PTPRD: variants seen among roughly 807,000 people sequenced by gnomAD.
The protein encoded by PTPRD is protein tyrosine phosphatase receptor type D.
In PTPRD, 34 loss-of-function variants were observed where a neutral mutation model predicts 214.5. The ratio of observed to expected loss-of-function variants is 0.16; its 90% CI spans 0.12 to 0.21. The LOEUF (loss-of-function observed/expected upper bound fraction) is 0.21. PTPRD is among the 10% of genes least tolerant of loss of function. The pLI, the probability that PTPRD is intolerant of heterozygous loss-of-function variation, is 1.00. For synonymous variants in PTPRD, 1,128 were observed against 845.7 expected, an observed-to-expected ratio of 1.33 and a Z score of -5.79; for missense variants, 2,545 against 2,398.7, an observed-to-expected ratio of 1.06 and a Z score of -1.27.
chr9:10,496,082 T>C (rs919186431), intron 2 of PTPRD, among the ~76,000 whole-genome samples: 1 of 151,806 alleles, frequency 6.6e-6, no homozygotes, highest in African/African-American at 2.4e-5. Flanking sequence ...TATTACTATT[T>C]CAATATGTAG....
intron 2 of PTPRD, among the ~76,000 whole-genome samples, chr9:10,488,728 C>T (rs549795464): frequency 3.1e-4 from 47 of 152,274 alleles, no homozygotes; most frequent in African/African-American, 1.0e-3. Context: ...CTCTCATCAA[C>T]GGCCACCGCC....
At chr9:9,692,930 C>G (rs988145969) in intron 7 of PTPRD, among the ~76,000 whole-genome samples, 1 of 151,834 alleles carries the variant, frequency 6.6e-6, no homozygotes, top group African/African-American at 2.4e-5. Context: ...ATATTGTTCA[C>G]TGTTGGCATA....
chr9:9,867,091 A>G (rs2064160495), intron 5 of PTPRD, among the ~76,000 whole-genome samples: 1 of 152,168 alleles, frequency 6.6e-6, no homozygotes, highest in African/African-American at 2.4e-5. Flanking sequence ...ACAAAATCAT[A>G]GAGGTTCACC....
chr9:8,728,585 T>C (rs1309563966), intron 12 of PTPRD, among the ~76,000 whole-genome samples: 2 of 152,372 alleles, frequency 1.3e-5, no homozygotes, highest in South Asian at 4.1e-4. Context: ...TATAAGAAAG[T>C]TATCCTTTCC....
At chr9:8,981,054 C>T (rs1044528407) in intron 11 of PTPRD, among the ~76,000 whole-genome samples, 4 of 151,958 alleles carry the variant, frequency 2.6e-5, no homozygotes, top group Admixed American at 1.3e-4. Flanking sequence ...TACTTGTCTC[C>T]GGCACCTCGC....
rs536291845 is a variant in PTPRD at position 8,994,904 on chromosome 9, G to A, written c.-104+23793C>T. On this transcript the variant is annotated intron_variant, in intron 11 of 45. Transcript: ENST00000381196. Reference sequence around the variant, plus strand: ...CCTACTGCTCAAAATTAAGCTAAAGGGAACTTTGCAGATATTCTGCAACAT... The same window carrying A: ...CCTACTGCTCAAAATTAAGCTAAAGAGAACTTTGCAGATATTCTGCAACAT... 2.0e-5 allele frequency among the ~76,000 whole-genome samples: 3 copies of A among 152,066 alleles called. No individual in the cohort carries two copies. The South Asian group carries it at 6.2e-4, about 32-fold the overall frequency.
At chr9:10,352,564 T>C (rs988634194) in intron 2 of PTPRD, among the ~76,000 whole-genome samples, 1 of 152,028 alleles carries the variant, frequency 6.6e-6, no homozygotes, top group Admixed American at 6.6e-5. Context: ...TAATGAAATA[T>C]AGATCAGAAG....
intron 5 of PTPRD, among the ~76,000 whole-genome samples, chr9:9,895,161 G>T (rs1386323345): frequency 6.6e-6 from 1 of 151,962 alleles, no homozygotes; most frequent in Non-Finnish European, 1.5e-5. Context: ...TTCCTTACAA[G>T]TACTTGTTCC....
intron 19 of PTPRD, among the ~76,000 whole-genome samples, chr9:8,523,015 G>A (rs2097921203): frequency 6.6e-6 from 1 of 152,082 alleles, no homozygotes; most frequent in Non-Finnish European, 1.5e-5. Flanking sequence ...GAGAAGAAGA[G>A]AAAGCTAAGC....
At chr9:9,361,270 G>C (rs939805087) in intron 9 of PTPRD, among the ~76,000 whole-genome samples, 1 of 150,956 alleles carries the variant, frequency 6.6e-6, no homozygotes, top group African/African-American at 2.4e-5. Flanking sequence ...CAATTCATTT[G>C]AGATCATTAC....
chr9:8,618,182 G>A (rs1315505336), intron 14 of PTPRD, among the ~76,000 whole-genome samples: 1 of 152,088 alleles, frequency 6.6e-6, no homozygotes, highest in Non-Finnish European at 1.5e-5. Context: ...ACCAACTGCT[G>A]TTTAAGACAG....
chr9:9,311,663 A>T (rs1448655843), intron 9 of PTPRD, among the ~76,000 whole-genome samples: 3 of 152,164 alleles, frequency 2.0e-5, no homozygotes, highest in African/African-American at 7.2e-5. Flanking sequence ...TGAGATTAAA[A>T]ACTCCTCTCT....
intron 9 of PTPRD, among the ~76,000 whole-genome samples, chr9:9,243,117 G>C (rs1050735645): frequency 6.6e-6 from 1 of 152,104 alleles, no homozygotes; most frequent in African/African-American, 2.4e-5. Context: ...ACCAGACCCT[G>C]TTTGCCTGGG....
At chr9:9,192,718 A>T (rs1000453070) in intron 9 of PTPRD, among the ~76,000 whole-genome samples, 2 of 152,084 alleles carry the variant, frequency 1.3e-5, no homozygotes, top group African/African-American at 4.8e-5. Flanking sequence ...TCCTTTTTCC[A>T]TGACTGATAA....
intron 5 of PTPRD, among the ~76,000 whole-genome samples, chr9:9,895,378 A>C (rs918409013): frequency 4.6e-5 from 7 of 151,884 alleles, no homozygotes; most frequent in African/African-American, 1.7e-4. Flanking sequence ...CCATGTATAT[A>C]CCAGAGCCTG....
chr9:8,721,573 T>A (rs192085374), intron 12 of PTPRD, among the ~76,000 whole-genome samples: 355 of 152,250 alleles, frequency 2.3e-3, no homozygotes, highest in African/African-American at 8.2e-3. Flanking sequence ...TAATATACCA[T>A]AAAATAGTTT....
chr9:9,390,039 C>A (rs1353686019), intron 9 of PTPRD, among the ~76,000 whole-genome samples: 1 of 152,156 alleles, frequency 6.6e-6, no homozygotes, highest in East Asian at 1.9e-4. Context: ...GGTAGGGTGA[C>A]ATTTCAGCAG....
chr9:8,672,388 CACATATCTACAAA>C (rs1039149991), intron 12 of PTPRD, among the ~76,000 whole-genome samples: 23 of 152,114 alleles, frequency 1.5e-4, no homozygotes, highest in Admixed American at 6.5e-5. Flanking sequence ...TTTGACACTA[CACATATCTACAAA>C]ACATATTGAC....
chr9:9,517,317 G>T (rs2096862278), intron 8 of PTPRD, among the ~76,000 whole-genome samples: 1 of 152,034 alleles, frequency 6.6e-6, no homozygotes, highest in Admixed American at 6.6e-5. Context: ...AGACGCCCTG[G>T]AAATAGTGAT....
Sources: gnomAD v4.1 joint callset for allele counts (sites outside exome capture counted in the v4.1 genomes callset) on GRCh38, gnomAD v4.1.1 for gene constraint, MANE v1.5 for transcripts, NCBI Gene and HGNC (gene_info 2026-07-23, HGNC 2026-07-21) for gene names.